AFG2A: variants seen among roughly 807,000 people sequenced by gnomAD.
AFG2A encodes the protein ATPase family gene 2 protein homolog A.
At chr4:123,165,155 A>C in the AFG2A span, among the ~76,000 whole-genome samples, 1 of 152,160 alleles carries the variant, frequency 6.6e-6, no homozygotes, top group Admixed American at 6.5e-5. Flanking sequence ...TTTATATGAA[A>C]TGTCCAGCTA....
chr4:123,314,072 T>C, the AFG2A span: 4 of 1,507,440 alleles, frequency 2.7e-6, no homozygotes, highest in Non-Finnish European at 2.7e-6. Context: ...TGAGAAAATA[T>C]ATATATTCAA....
chr4:123,173,898 A>G, the AFG2A span, among the ~76,000 whole-genome samples: 2 of 152,184 alleles, frequency 1.3e-5, no homozygotes, highest in South Asian at 2.1e-4. Context: ...ACAAATATCA[A>G]TACCAAAGCT....
chr4:123,062,196 A>G, the AFG2A span, among the ~76,000 whole-genome samples: 3 of 152,152 alleles, frequency 2.0e-5, no homozygotes, highest in African/African-American at 7.2e-5. Context: ...CCCTCTCTCA[A>G]TGGCTCGTCA....
At chr4:122,986,913 G>A in the AFG2A span, among the ~76,000 whole-genome samples, 1 of 152,082 alleles carries the variant, frequency 6.6e-6, no homozygotes, top group Non-Finnish European at 1.5e-5. Flanking sequence ...TGTTGAAAGT[G>A]GGTTATTGAA....
At chr4:123,010,349 G>A in the AFG2A span, among the ~76,000 whole-genome samples, 2,206 of 152,122 alleles carry the variant, frequency 0.015, 68 homozygotes, top group African/African-American at 0.051. Flanking sequence ...GTAGTATTCC[G>A]TATAATTTTT....
At chr4:123,154,672 G>A in the AFG2A span, among the ~76,000 whole-genome samples, 2 of 152,026 alleles carry the variant, frequency 1.3e-5, no homozygotes, top group Non-Finnish European at 2.9e-5. Flanking sequence ...AAATTTCTTT[G>A]GACCTTAATT....
the AFG2A span, among the ~76,000 whole-genome samples, chr4:123,274,208 T>G: frequency 6.6e-6 from 1 of 152,092 alleles, no homozygotes; most frequent in Non-Finnish European, 1.5e-5. Context: ...CATAATGGCT[T>G]TGTAGTTCAG....
the AFG2A span, among the ~76,000 whole-genome samples, chr4:123,056,089 C>T: frequency 6.6e-6 from 1 of 152,186 alleles, no homozygotes; most frequent in Non-Finnish European, 1.5e-5. Context: ...CTGTGCCTAG[C>T]ACCACATCTG....
At chr4:123,176,839 G>A in the AFG2A span, among the ~76,000 whole-genome samples, 1 of 152,106 alleles carries the variant, frequency 6.6e-6, no homozygotes, top group Non-Finnish European at 1.5e-5. Flanking sequence ...CTCTTGCCTT[G>A]TGGGAGGTGG....
chr4:123,299,925 A>C, the AFG2A span, among the ~76,000 whole-genome samples: 1 of 152,238 alleles, frequency 6.6e-6, no homozygotes, highest in African/African-American at 2.4e-5. Context: ...ATTTTAAAAC[A>C]TGATTTATTC....
the AFG2A span, among the ~76,000 whole-genome samples, chr4:122,945,850 A>G: frequency 1.3e-5 from 2 of 152,230 alleles, no homozygotes; most frequent in Non-Finnish European, 2.9e-5. Flanking sequence ...TGAAAATAAT[A>G]TAAAGGTTTG....
chr4:123,065,725 T>C, the AFG2A span, among the ~76,000 whole-genome samples: 1 of 152,192 alleles, frequency 6.6e-6, no homozygotes, highest in Admixed American at 6.5e-5. Flanking sequence ...ATCATTATTT[T>C]ATGTAACTTA....
At chr4:123,109,859 G>A in the AFG2A span, among the ~76,000 whole-genome samples, 1 of 152,126 alleles carries the variant, frequency 6.6e-6, no homozygotes, top group Non-Finnish European at 1.5e-5. Flanking sequence ...CAGTTAGTAT[G>A]AAATAAACCT....
At chr4:123,043,682 A>G in the AFG2A span, among the ~76,000 whole-genome samples, 1 of 152,306 alleles carries the variant, frequency 6.6e-6, no homozygotes, top group South Asian at 2.1e-4. Context: ...AAAATTTTTA[A>G]AGATTAAGAA....
At chr4:123,304,698 A>G in the AFG2A span, among the ~76,000 whole-genome samples, 1 of 152,242 alleles carries the variant, frequency 6.6e-6, no homozygotes, top group African/African-American at 2.4e-5. Flanking sequence ...CCCTTCAAAT[A>G]CAAAGAAGCT....
At chr4:123,022,462 A>G in the AFG2A span, among the ~76,000 whole-genome samples, 12 of 151,794 alleles carry the variant, frequency 7.9e-5, no homozygotes, top group East Asian at 2.3e-3. Flanking sequence ...CATCAGAGAA[A>G]TGCAAATCAA....
At chr4:123,311,395 A>G in the AFG2A span, among the ~76,000 whole-genome samples, 1 of 152,158 alleles carries the variant, frequency 6.6e-6, no homozygotes, top group Non-Finnish European at 1.5e-5. Context: ...TGAGAGGCCA[A>G]GGCGGGCGGA....
the AFG2A span, among the ~76,000 whole-genome samples, chr4:123,128,971 CT>C: frequency 4.6e-5 from 7 of 152,152 alleles, no homozygotes; most frequent in South Asian, 1.2e-3. Context: ...GTATTATATG[CT>C]TTTTTTCATC....
At chr4:123,084,962 C>CT in the AFG2A span, among the ~76,000 whole-genome samples, 9 of 150,570 alleles carry the variant, frequency 6.0e-5, no homozygotes, top group African/African-American at 7.3e-5. Flanking sequence ...CTTGAAGTTT[C>CT]TTTTTTTTTC....
Sources: gnomAD v4.1 joint callset for allele counts (sites outside exome capture counted in the v4.1 genomes callset) on GRCh38, gnomAD v4.1.1 for gene constraint, MANE v1.5 for transcripts, NCBI Gene and HGNC (gene_info 2026-07-23, HGNC 2026-07-21) for gene names.